Variants in TANGO2 observed in about 807,000 individuals in gnomAD.
TANGO2 encodes the protein transport and golgi organization 2 homolog.
In TANGO2, 26 loss-of-function variants were observed where a neutral mutation model predicts 39.1. That is an observed-to-expected ratio of 0.67 (90% CI 0.49 to 0.92). The LOEUF is 0.92. Among genes scored for constraint, TANGO2 ranks in the 40% least tolerant of loss-of-function variants. The probability of loss-of-function intolerance (pLI) is 0.00; values close to 1 mark genes in which losing one functional copy is unlikely to be tolerated. For synonymous variants in TANGO2, 131 were observed against 144.5 expected, an observed-to-expected ratio of 0.91 and a Z score of 0.67; for missense variants, 326 against 360.1, an observed-to-expected ratio of 0.91 and a Z score of 0.77.
chr22:20,022,083 G>T lies in TANGO2; in HGVS notation c.-40+837G>T, dbSNP rs565368929. 9.2e-5 allele frequency among the ~76,000 whole-genome samples: 14 copies of T among 152,378 alleles called. No individual in the cohort carries two copies. The East Asian group carries it at 2.3e-3, about 25-fold the overall frequency. On this transcript the variant is annotated intron_variant, in intron 1 of 8. Transcript: ENST00000327374. The stretch of plus-strand genomic sequence containing the variant: ...AGGCAGATGTGACGGCAGCTATAAG[G>T]GGGTAGCTGAGTAGCTCTTTGGAAG...
At chr22:20,027,193 C>G (rs1036080266) in intron 1 of TANGO2, among the ~76,000 whole-genome samples, 1 of 152,160 alleles carries the variant, frequency 6.6e-6, no homozygotes, top group Non-Finnish European at 1.5e-5. Flanking sequence ...AGAACTCTAT[C>G]ACTGTACAGC....
At chr22:20,034,254 T>C (rs1265591289) in intron 1 of TANGO2, among the ~76,000 whole-genome samples, 1 of 152,222 alleles carries the variant, frequency 6.6e-6, no homozygotes, top group Non-Finnish European at 1.5e-5. Flanking sequence ...CAGTTTGCTC[T>C]TCATCACTTC....
chr22:20,025,431 G>A (rs1018500485), intron 1 of TANGO2, among the ~76,000 whole-genome samples: 3 of 151,866 alleles, frequency 2.0e-5, no homozygotes, highest in African/African-American at 4.8e-5. Flanking sequence ...ACTGTTCCCC[G>A]CCGGGAAGCA....
chr22:20,049,067 G>A (rs975040583), intron 3 of TANGO2, among the ~76,000 whole-genome samples: 2 of 152,012 alleles, frequency 1.3e-5, no homozygotes, highest in African/African-American at 4.8e-5. Flanking sequence ...TCCTCCATTT[G>A]CTTCTAGAAG....
At chr22:20,029,462 G>C (rs1569239757) in intron 1 of TANGO2, among the ~76,000 whole-genome samples, 1 of 152,214 alleles carries the variant, frequency 6.6e-6, no homozygotes, top group Non-Finnish European at 1.5e-5. Context: ...GTTAGGCTAG[G>C]GGAACGTATG....
At chr22:20,032,354 T>C (rs1333677256) in intron 1 of TANGO2, among the ~76,000 whole-genome samples, 1 of 152,266 alleles carries the variant, frequency 6.6e-6, no homozygotes, top group Non-Finnish European at 1.5e-5. Flanking sequence ...TCTTAGCCCC[T>C]TGGGGCAGGC....
Position 20,024,879 on chromosome 22 carries a change from C to T in TANGO2, c.-40+3633C>T, listed in dbSNP as rs1601805254. Among the ~76,000 whole-genome samples the T allele has an allele frequency of 2.6e-5, 4 of 152,134 alleles. No homozygotes were observed. The East Asian group carries it at 5.9e-4, about 22-fold the overall frequency. On this transcript the variant is annotated intron_variant, in intron 1 of 8. Transcript: ENST00000327374. ...AGGGTCTCCAGGTGTGGTGTTGCTG[C>T]GACAGCCCAGCTACACCCCGTCCTA... is the stretch of plus-strand genomic sequence containing the variant.
intron 1 of TANGO2, among the ~76,000 whole-genome samples, chr22:20,022,406 G>A (rs2039885014): frequency 6.6e-6 from 1 of 152,156 alleles, no homozygotes; most frequent in Non-Finnish European, 1.5e-5. Context: ...GTGCTCTGGT[G>A]GTCCAGGGTA....
chr22:20,055,589 T>C, intron 5 of TANGO2: 2 of 367,184 alleles, frequency 5.4e-6, no homozygotes, highest in Non-Finnish European at 1.0e-5. Flanking sequence ...GATGGAGAGG[T>C]TGGTGATGTG....
At chr22:20,063,514 A>T in intron 8 of TANGO2, 72 bp downstream of exon 8, 5 of 1,358,302 alleles carry the variant, frequency 3.7e-6, no homozygotes, top group Non-Finnish European at 5.1e-6. Context: ...CCGGCAAAGA[A>T]GCCAAGTGCC....
At chr22:20,054,962 A>G (rs1226600614) in intron 5 of TANGO2, 2 of 152,370 alleles carry the variant, frequency 1.3e-5, no homozygotes, top group East Asian at 3.9e-4. Flanking sequence ...AAGTTGCCAA[A>G]GACCATGGTG....
At chr22:20,046,714 A>G (rs1363079464) in intron 3 of TANGO2, among the ~76,000 whole-genome samples, 1 of 152,090 alleles carries the variant, frequency 6.6e-6, no homozygotes, top group Non-Finnish European at 1.5e-5. Context: ...TTACATAGGT[A>G]TACATACATG....
chr22:20,020,005 C>T (rs916294323), upstream of TANGO2, among the ~76,000 whole-genome samples: 1 of 152,346 alleles, frequency 6.6e-6, no homozygotes, highest in Admixed American at 6.5e-5. Flanking sequence ...AGACTCTTGC[C>T]GTTGCTGATT....
chr22:20,032,226 C>T (rs140257803), intron 1 of TANGO2, among the ~76,000 whole-genome samples: 1 of 152,380 alleles, frequency 6.6e-6, no homozygotes, highest in African/African-American at 2.4e-5. Context: ...ATCCCGGTGG[C>T]CGTGAGGCCA....
rs147336165 is a variant in TANGO2, at chr22:20,028,681, G to A, written c.-40+7435G>A. Among the ~76,000 whole-genome samples the A allele has an allele frequency of 3.9e-4, 60 of 152,346 alleles. No individual in the cohort carries two copies. The East Asian group carries it at 0.011, about 28-fold the overall frequency. ...TTGGTGTGGGGTGGGCGACTGGCAC[G>A]GTCAGATGCCTGATGCCTGTTGGCC... On this transcript the variant is annotated intron_variant, in intron 1 of 8. Coordinates refer to ENST00000327374, the MANE Select transcript of TANGO2 (RefSeq NM_152906.7).
chr22:20,053,508 G>C lies in TANGO2; in HGVS notation c.337G>C (p.Gly113Arg). The C allele has an allele frequency of 6.2e-7, 1 of 1,613,982 alleles. No individual in the cohort carries two copies. The highest frequency in any genetic ancestry group is 8.5e-7 in the Non-Finnish European group (1 of 1,179,884). The change falls in exon 5 of 9, where the codon GGC becomes CGC. Residue 113 changes from glycine to arginine, a missense_variant. By Grantham distance (125) the Gly-to-Arg change is moderately radical. Transcript: ENST00000327374. ...CTACCTGAAGAAGGTCTCTATGGAGGGCCATCTGTACAATGGCTTCAACCT... is the reference window on the plus strand; with the variant it reads ...CTACCTGAAGAAGGTCTCTATGGAGCGCCATCTGTACAATGGCTTCAACCT... ...LSYLKKVSME[G>R]HLYNGFNLIA... is the part of the protein sequence containing the mutation.
At chr22:20,051,330 G>A (rs776400921) in intron 3 of TANGO2, among the ~76,000 whole-genome samples, 5 of 151,426 alleles carry the variant, frequency 3.3e-5, no homozygotes, top group African/African-American at 7.3e-5. Flanking sequence ...TTGGGAATTC[G>A]AGACCAGCCT....
chr22:20,026,417 T>G (rs1372480068), intron 1 of TANGO2, among the ~76,000 whole-genome samples: 2 of 151,064 alleles, frequency 1.3e-5, no homozygotes, highest in Non-Finnish European at 1.5e-5. Context: ...AAAAAAGAGC[T>G]TCACCACTGT....
intron 4 of TANGO2, among the ~76,000 whole-genome samples, chr22:20,052,939 G>A (rs1243272629): frequency 6.6e-6 from 1 of 152,138 alleles, no homozygotes; most frequent in Non-Finnish European, 1.5e-5. Flanking sequence ...GACAGGAAGA[G>A]TGAGGAGGGG....
Sources: allele counts gnomAD v4.1 joint callset (sites outside exome capture counted in the v4.1 genomes callset), GRCh38; gene constraint gnomAD v4.1.1; transcripts MANE v1.5; gene names NCBI Gene and HGNC (gene_info 2026-07-23, HGNC 2026-07-21).